The following USP34 variants were observed in gnomAD, a reference collection of about 807,000 sequenced individuals.
The protein encoded by USP34 is ubiquitin carboxyl-terminal hydrolase 34.
A neutral mutation model predicts 460.3 loss-of-function variants in USP34; 70 were observed. The ratio of observed to expected loss-of-function variants is 0.15; its 90% confidence interval spans 0.13 to 0.19. The LOEUF (loss-of-function observed/expected upper bound fraction) is 0.19, where lower values mean the gene tolerates loss of function less well. Among genes scored for constraint, USP34 ranks in the 10% least tolerant of loss-of-function variants. USP34 has a pLI of 1.00. For synonymous variants in USP34, 1,647 were observed against 1,405.3 expected, an observed-to-expected ratio of 1.17 and a Z score of -3.85; for missense variants, 3,985 against 4,236.2, an observed-to-expected ratio of 0.94 and a Z score of 1.65.
chr2:61,187,497 C>G lies in USP34; in HGVS notation c.*605G>C. The stretch of plus-strand genomic sequence containing the variant: ...ATCACAATCAGTTTAATTAAGTGCA[C>G]AGAATAGCAATCAATCAATCAGTCA... On this transcript the variant is annotated 3_prime_UTR_variant, in exon 80 of 80. Coordinates refer to ENST00000398571, the MANE Select transcript of USP34 (RefSeq NM_014709.4). The G allele has an allele frequency of 1.1e-6, 1 of 907,346 alleles. No homozygotes were observed. The highest frequency in any genetic ancestry group is 1.3e-6 in the Non-Finnish European group (1 of 798,096). 56.2% of individuals were successfully genotyped at this position (907,346 alleles called of 1,614,324 possible). A position where few individuals can be genotyped will look rare whatever the true frequency, so the allele number is the denominator to read the frequency against.
intron 3 of USP34, among the ~76,000 whole-genome samples, chr2:61,402,773 A>C (rs17009031): frequency 0.026 from 3,908 of 152,298 alleles, 180 homozygotes; most frequent in African/African-American, 0.09. Context: ...CCTCAAAGAA[A>C]AGTGGGATAA....
rs1483543756 is a variant in USP34, at chr2:61,190,671, G to T, written c.9589-13C>A. The T allele has an allele frequency of 6.2e-7, 1 of 1,609,470 alleles. No individual in the cohort carries two copies. Among genetic ancestry groups the T allele is most frequent in the Admixed American group, 1.7e-5 (1 of 58,938 alleles). On this transcript the variant is annotated splice_polypyrimidine_tract_variant and intron_variant, in intron 76 of 79. Coordinates refer to ENST00000398571, the MANE Select transcript of USP34 (RefSeq NM_014709.4). The stretch of plus-strand genomic sequence containing the variant: ...TTGACATAGCAGACTAAAGTGGGGA[G>T]AAGATGGTTGAGCACTTACGGTTGA...
intron 27 of USP34, among the ~76,000 whole-genome samples, chr2:61,303,362 C>G (rs1690289500): frequency 6.6e-6 from 1 of 151,618 alleles, no homozygotes; most frequent in African/African-American, 2.4e-5. Flanking sequence ...CACCACGGCC[C>G]AGCCAGAATA....
Position 61,206,142 on chromosome 2 carries a change from CATATAA to C in USP34, c.9047-24_9047-19del. The C allele has an allele frequency of 6.3e-7, 1 of 1,598,590 alleles. No individual in the cohort carries two copies. Among genetic ancestry groups the C allele is most frequent in the Non-Finnish European group, 8.6e-7 (1 of 1,166,338 alleles). ...TTTCACATCTGCAAATATAAAAGCA[CATATAA>C]ATATGCCATCTGAGATCAAACTTCC... On this transcript the variant is annotated intron_variant, in intron 71 of 79. Coordinates refer to ENST00000398571, the MANE Select transcript of USP34 (RefSeq NM_014709.4).
At chr2:61,223,497 CA>C (rs1398592851) in intron 62 of USP34, 1 of 550,612 alleles carries the variant, frequency 1.8e-6, no homozygotes, top group Non-Finnish European at 3.2e-6. Flanking sequence ...AATGAAAGCC[CA>C]AATGTACTTC....
chr2:61,469,580 A>G (rs1695886696), intron 1 of USP34, among the ~76,000 whole-genome samples: 1 of 152,238 alleles, frequency 6.6e-6, no homozygotes, highest in African/African-American at 2.4e-5. Context: ...CATTAAAGTG[A>G]CAGTCAAACA....
chr2:61,299,703 G>A (rs1690161048), intron 29 of USP34, among the ~76,000 whole-genome samples: 3 of 152,096 alleles, frequency 2.0e-5, no homozygotes, highest in Admixed American at 1.3e-4. Context: ...ACTGAGCTAC[G>A]ATCATACCAC....
At chr2:61,383,028 A>ATTAATCTC (rs1693021241) in intron 6 of USP34, among the ~76,000 whole-genome samples, 1 of 152,224 alleles carries the variant, frequency 6.6e-6, no homozygotes, top group Admixed American at 6.5e-5. Flanking sequence ...AATAACCATT[A>ATTAATCTC]TTAATCTCTT....
At chr2:61,321,192 G>T (rs1690909432) in intron 21 of USP34, among the ~76,000 whole-genome samples, 1 of 151,766 alleles carries the variant, frequency 6.6e-6, no homozygotes, top group African/African-American at 2.4e-5. Context: ...CAAAAAAATG[G>T]CCAGGCGCAG....
At chr2:61,370,477 G>C in intron 9 of USP34, 21 bp downstream of exon 9, 2 of 1,613,252 alleles carry the variant, frequency 1.2e-6, no homozygotes, top group Non-Finnish European at 1.7e-6. Context: ...GAACAGAGAA[G>C]TTATGTAATC....
chr2:61,431,139 C>T (rs1694664890), intron 1 of USP34, among the ~76,000 whole-genome samples: 1 of 152,148 alleles, frequency 6.6e-6, no homozygotes, highest in Non-Finnish European at 1.5e-5. Context: ...GAGAATTATA[C>T]CTAGCCAGGA....
At chr2:61,406,326 T>C (rs1693869475) in intron 2 of USP34, among the ~76,000 whole-genome samples, 198 bp from the exon 3 acceptor site, 1 of 152,146 alleles carries the variant, frequency 6.6e-6, no homozygotes, top group African/African-American at 2.4e-5. Flanking sequence ...AAAGTCATCA[T>C]GTTAGGTTTA....
At chr2:61,285,235 T>A (rs969789838) in intron 34 of USP34, among the ~76,000 whole-genome samples, 5 of 152,060 alleles carry the variant, frequency 3.3e-5, no homozygotes, top group African/African-American at 1.2e-4. Context: ...ATTGCTGTAA[T>A]CCCAGCAATT....
chr2:61,458,323 G>T (rs559189175), intron 1 of USP34, among the ~76,000 whole-genome samples: 2 of 152,260 alleles, frequency 1.3e-5, no homozygotes, highest in Admixed American at 6.5e-5. Context: ...CACTTTGGGA[G>T]GCAGAGGCAG....
At chr2:61,258,073 G>T (rs901072753) in intron 44 of USP34, among the ~76,000 whole-genome samples, 1 of 152,114 alleles carries the variant, frequency 6.6e-6, no homozygotes, top group Non-Finnish European at 1.5e-5. Flanking sequence ...GAGATTAAAG[G>T]CCAGGTATGA....
At chr2:61,431,104 G>A (rs7574390) in intron 1 of USP34, among the ~76,000 whole-genome samples, 6,500 of 152,312 alleles carry the variant, frequency 0.043, 454 homozygotes, top group African/African-American at 0.15. Context: ...GAAGAGGAAT[G>A]TAGGGAGAGA....
At chr2:61,266,958 G>C (rs888147732) in intron 41 of USP34, among the ~76,000 whole-genome samples, 1 of 152,184 alleles carries the variant, frequency 6.6e-6, no homozygotes, top group African/African-American at 2.4e-5. Flanking sequence ...CAGGAGTCTG[G>C]AGTTGGGGCA....
chr2:61,370,527 G>A lies in USP34; in HGVS notation c.1129C>T (p.His377Tyr). 6.2e-7 allele frequency: 1 copy of A among 1,613,888 alleles called. No individual in the cohort carries two copies. Among genetic ancestry groups the A allele is most frequent in the Non-Finnish European group, 8.5e-7 (1 of 1,179,936 alleles). ...ATATGTAAATTTGGTCCAAATATAT[G>A]CTCCACCACATTGTTGCTAATAAGC... ...DWLISNNVVE[H>Y]IFGPNLHIEI... The change falls in exon 9 of 80, where the codon CAT becomes TAT. Residue 377 changes from histidine to tyrosine, a missense_variant. By Grantham distance (83) the His-to-Tyr change is moderately conservative (BLOSUM62 2). Around this residue, in one of 14 missense-constraint regions of USP34, gnomAD observed 716 missense variants for 626.2 expected, o/e 1.14. Transcript: ENST00000398571.
At chr2:61,264,758 T>TCA in intron 43 of USP34, among the ~76,000 whole-genome samples, 1 of 152,120 alleles carries the variant, frequency 6.6e-6, no homozygotes, top group East Asian at 1.9e-4. Context: ...GCATGGTGGC[T>TCA]CACACCTGTA....
Sources: gnomAD v4.1 joint callset for allele counts (sites outside exome capture counted in the v4.1 genomes callset) on GRCh38, gnomAD v4.1.1 for gene constraint, gnomAD v4.1.1 regional missense constraint, MANE v1.5 for transcripts, NCBI Gene and HGNC (gene_info 2026-07-23, HGNC 2026-07-21) for gene names.